FGF12: variants seen among roughly 807,000 people sequenced by gnomAD.
The protein encoded by FGF12 is fibroblast growth factor 12B.
A neutral mutation model predicts 23.6 loss-of-function variants in FGF12; 14 were observed. The observed-to-expected ratio is 0.59, with a 90% confidence interval of 0.39 to 0.93. The LOEUF (loss-of-function observed/expected upper bound fraction) is 0.93, where lower values mean the gene tolerates loss of function less well. FGF12 is among the 40% of genes least tolerant of loss of function. FGF12 has a pLI of 0.00. For missense variants in FGF12, 175 were observed against 217.8 expected, an observed-to-expected ratio of 0.80 and a Z score of 1.24; for synonymous variants, 62 against 77.3, an observed-to-expected ratio of 0.80 and a Z score of 1.04.
rs75224764 is a variant in FGF12, at chr3:192,408,657, G to A, written c.14-48119C>T. 99 of 1,021,492 alleles carry A rather than the reference G, an allele frequency of 9.7e-5. No individual in the cohort carries two copies. In the East Asian group the frequency reaches 3.2e-3, roughly 33 times the overall value. 63.3% of individuals were successfully genotyped at this position (1,021,492 alleles called of 1,614,324 possible). ...GTTGGAGAGGCGCAAGCGTTGTAAGGTGTCCAAAGTATACCTACACATACA... is the reference window on the plus strand; with the variant it reads ...GTTGGAGAGGCGCAAGCGTTGTAAGATGTCCAAAGTATACCTACACATACA... On this transcript the variant is annotated intron_variant, in intron 2 of 5. Transcript: ENST00000445105. The surrounding 1 kb of genome is among the most constrained non-coding windows in gnomAD (Gnocchi z 7.3).
At chr3:192,517,221 C>T (rs1486216653) in intron 2 of FGF12, among the ~76,000 whole-genome samples, 4 of 152,214 alleles carry the variant, frequency 2.6e-5, no homozygotes, top group Non-Finnish European at 4.4e-5. Flanking sequence ...CTCTCTGCCT[C>T]CTGGCAAGGT....
At chr3:192,568,446 A>G (rs1014952685) in intron 2 of FGF12, among the ~76,000 whole-genome samples, 1 of 152,090 alleles carries the variant, frequency 6.6e-6, no homozygotes, top group East Asian at 1.9e-4. Context: ...ATCTGACACC[A>G]TTTTGCTGTA....
At chr3:192,545,050 G>C (rs1237956691) in intron 2 of FGF12, among the ~76,000 whole-genome samples, 3 of 152,140 alleles carry the variant, frequency 2.0e-5, no homozygotes, top group Non-Finnish European at 1.5e-5. Flanking sequence ...ACTCACGCAA[G>C]ATCAACTGAG....
At position 192,162,296 on chromosome 3, in the gene FGF12, T is replaced by G. The variant is rs143224685; in HGVS notation, c.427+8162A>C. On this transcript the variant is annotated intron_variant, in intron 5 of 5. Transcript: ENST00000445105. ...ATTCTAAGTGCTAGTTTGGAAGAAATGTATTGCCTTAGAAATGCATTCACT... is the reference window on the plus strand; with the variant it reads ...ATTCTAAGTGCTAGTTTGGAAGAAAGGTATTGCCTTAGAAATGCATTCACT... 2.5e-3 allele frequency among the ~76,000 whole-genome samples: 381 copies of G among 152,252 alleles called. 4 individuals carry two copies. The highest frequency in any genetic ancestry group is 8.6e-3 in the African/African-American group (358 of 41,578).
chr3:192,365,112 C>T (rs1470401100), intron 2 of FGF12, among the ~76,000 whole-genome samples: 1 of 152,060 alleles, frequency 6.6e-6, no homozygotes, highest in African/African-American at 2.4e-5. Context: ...GATTGTTCAT[C>T]ACACAAAGAA....
chr3:192,355,316 T>A (rs1718419881), intron 3 of FGF12, among the ~76,000 whole-genome samples: 1 of 152,240 alleles, frequency 6.6e-6, no homozygotes, highest in South Asian at 2.1e-4. Context: ...CAGATATACA[T>A]TTTAAGTTAA....
At chr3:192,154,433 A>G (rs1375580862) in intron 5 of FGF12, among the ~76,000 whole-genome samples, 2 of 116,010 alleles carry the variant, frequency 1.7e-5, no homozygotes, top group Non-Finnish European at 3.8e-5. Context: ...TTTTTTCCCC[A>G]TTTTTGTGGT....
chr3:192,512,084 T>G (rs977508368), intron 2 of FGF12, among the ~76,000 whole-genome samples: 1 of 152,200 alleles, frequency 6.6e-6, no homozygotes, highest in Non-Finnish European at 1.5e-5. Context: ...ATTTCCTTTC[T>G]GTGGACCTCA....
chr3:192,709,880 T>C (rs1310952239), intron 2 of FGF12, among the ~76,000 whole-genome samples: 1 of 152,222 alleles, frequency 6.6e-6, no homozygotes, highest in East Asian at 1.9e-4. Context: ...CGTGATAGCA[T>C]GGAAGGTTCA....
Position 192,437,050 on chromosome 3 carries a change from T to C in FGF12, c.14-76512A>G, listed in dbSNP as rs185790508. Reference sequence around the variant, plus strand: ...CGAGAGTGATATAGTCTGAATTGCATCTTATGAATGAATAGTGTATAATTC... The same window carrying C: ...CGAGAGTGATATAGTCTGAATTGCACCTTATGAATGAATAGTGTATAATTC... On this transcript the variant is annotated intron_variant, in intron 2 of 5. Coordinates refer to ENST00000445105, the MANE Select transcript of FGF12 (RefSeq NM_004113.6). Among the ~76,000 whole-genome samples the C allele has an allele frequency of 2.0e-5, 3 of 152,278 alleles. No individual in the cohort carries two copies. The East Asian group carries it at 5.8e-4, about 29-fold the overall frequency.
chr3:192,150,245 T>C (rs1207657645), intron 5 of FGF12, among the ~76,000 whole-genome samples: 1 of 86,974 alleles, frequency 1.1e-5, no homozygotes, highest in Non-Finnish European at 2.4e-5. Context: ...GTTGCGAAAA[T>C]TTTCTCCCAT....
intron 2 of FGF12, among the ~76,000 whole-genome samples, chr3:192,655,546 A>C (rs748186861): frequency 6.6e-6 from 1 of 152,178 alleles, no homozygotes; most frequent in Non-Finnish European, 1.5e-5. Context: ...CTTCTACATC[A>C]AGGGAAAATT....
At chr3:192,199,344 T>C (rs1337108997) in intron 4 of FGF12, among the ~76,000 whole-genome samples, 1 of 152,208 alleles carries the variant, frequency 6.6e-6, no homozygotes, top group Non-Finnish European at 1.5e-5. Context: ...CTCCCTAACG[T>C]TTCACTCAAG....
At chr3:192,670,785 C>A (rs1717082540) in intron 2 of FGF12, among the ~76,000 whole-genome samples, 1 of 152,156 alleles carries the variant, frequency 6.6e-6, no homozygotes, top group Non-Finnish European at 1.5e-5. Context: ...TTTTTGTTAT[C>A]ATAGACATAT....
At chr3:192,403,280 C>A (rs1647918849) in intron 2 of FGF12, among the ~76,000 whole-genome samples, 1 of 152,146 alleles carries the variant, frequency 6.6e-6, no homozygotes, top group East Asian at 1.9e-4. Context: ...TGCCTCACTT[C>A]CTATAAATTG....
intron 2 of FGF12, among the ~76,000 whole-genome samples, chr3:192,647,714 TATATATATACACATATATACATAC>T: frequency 7.3e-6 from 1 of 136,540 alleles, no homozygotes; most frequent in African/African-American, 2.8e-5. Flanking sequence ...TATATATACA[TATATATATACACATATATACATAC>T]ATGTATATAT....
At chr3:192,525,956 G>C (rs1028550524) in intron 2 of FGF12, among the ~76,000 whole-genome samples, 1 of 152,106 alleles carries the variant, frequency 6.6e-6, no homozygotes, top group Non-Finnish European at 1.5e-5. Flanking sequence ...TGCGTTTTTA[G>C]TAGAGATGGG....
At chr3:192,420,636 T>A (rs116461933) in intron 2 of FGF12, among the ~76,000 whole-genome samples, 398 of 152,294 alleles carry the variant, frequency 2.6e-3, no homozygotes, top group African/African-American at 9.1e-3. Context: ...TGGCACTAGC[T>A]GTTCCCCCTT....
chr3:192,141,127 C>CAAAAAAAAAAAAAAAAAAAAAAAAAAA lies in FGF12; in HGVS notation c.*2881_*2882insTTTTTTTTTTTTTTTTTTTTTTTTTTT, dbSNP rs1396299359. 3 of 21,828 alleles carry CAAAAAAAAAAAAAAAAAAAAAAAAAAA rather than the reference C, an allele frequency of 1.4e-4. 1 individual carries two copies. Among genetic ancestry groups the CAAAAAAAAAAAAAAAAAAAAAAAAAAA allele is most frequent in the African/African-American group, 2.2e-4 (1 of 4,602 alleles). 1.4% of individuals were successfully genotyped at this position (21,828 alleles called of 1,614,324 possible). A position where few individuals can be genotyped will look rare whatever the true frequency, so the allele number is the denominator to read the frequency against. On this transcript the variant is annotated 3_prime_UTR_variant, in exon 6 of 6. Coordinates refer to ENST00000445105, the MANE Select transcript of FGF12 (RefSeq NM_004113.6). The stretch of plus-strand genomic sequence containing the variant: ...TCCTGGGAAAAATCCCAATGCAACT[C>CAAAAAAAAAAAAAAAAAAAAAAAAAAA]CAAAAAAAAAAAAAAAAAAAAAAAA...
Sources: gnomAD v4.1 joint callset for allele counts (sites outside exome capture counted in the v4.1 genomes callset) on GRCh38, gnomAD v4.1.1 for gene constraint, Gnocchi (gnomAD v3.1) non-coding constraint, MANE v1.5 for transcripts, NCBI Gene and HGNC (gene_info 2026-07-23, HGNC 2026-07-21) for gene names.